The following BNC2 variants were observed in gnomAD, a reference collection of about 807,000 sequenced individuals.
The protein encoded by BNC2 is basonuclin zinc finger protein 2.
A neutral mutation model predicts 76.3 loss-of-function variants in BNC2; 20 were observed. That is an observed-to-expected ratio of 0.26 (90% CI 0.18 to 0.38). BNC2 has a LOEUF of 0.38. Ranked by LOEUF, BNC2 falls within the 10% of genes least tolerant of loss-of-function variation. The pLI is 1.00. For synonymous variants in BNC2, 582 were observed against 514.8 expected (o/e 1.13, Z -1.77); for missense variants, 1,382 against 1,399.8 (o/e 0.99, Z 0.20).
At chr9:16,598,394 T>C (rs1035909286) in intron 3 of BNC2, among the ~76,000 whole-genome samples, 1 of 152,176 alleles carries the variant, frequency 6.6e-6, no homozygotes, top group Non-Finnish European at 1.5e-5. Flanking sequence ...TTTCTAAAAA[T>C]AGAAACTATA....
intron 3 of BNC2, among the ~76,000 whole-genome samples, chr9:16,696,189 G>A (rs1888207): frequency 0.6 from 91,230 of 151,862 alleles, 31,110 homozygotes; most frequent in Non-Finnish European, 0.79. Context: ...TCCAATTGTC[G>A]AACACATTCT....
At chr9:16,443,641 A>G (rs996704598) in intron 5 of BNC2, among the ~76,000 whole-genome samples, 3 of 152,164 alleles carry the variant, frequency 2.0e-5, no homozygotes, top group African/African-American at 7.2e-5. Flanking sequence ...TGAGATATCT[A>G]TACAATGGAA....
At chr9:16,579,398 C>T (rs537763775) in intron 4 of BNC2, among the ~76,000 whole-genome samples, 3 of 152,118 alleles carry the variant, frequency 2.0e-5, no homozygotes, top group African/African-American at 4.8e-5. Flanking sequence ...ACCTCCCACC[C>T]CAGCCTTCAA....
At chr9:16,509,309 T>C (rs1412227025) in intron 5 of BNC2, among the ~76,000 whole-genome samples, 2 of 152,196 alleles carry the variant, frequency 1.3e-5, no homozygotes, top group Non-Finnish European at 2.9e-5. Context: ...TTTCTACTTA[T>C]TGGCATATAA....
At chr9:16,831,774 C>T (rs1472415901) in intron 1 of BNC2, among the ~76,000 whole-genome samples, 1 of 152,182 alleles carries the variant, frequency 6.6e-6, no homozygotes, top group Admixed American at 6.5e-5. Context: ...GGTTATGGTT[C>T]CTCAAGCCAC....
intron 5 of BNC2, among the ~76,000 whole-genome samples, chr9:16,454,626 T>C (rs1359718242): frequency 2.0e-5 from 3 of 152,190 alleles, no homozygotes; most frequent in African/African-American, 7.2e-5. Flanking sequence ...GCTGTTCTTA[T>C]ACCTAATTTG....
At position 16,559,842 on chromosome 9, in the gene BNC2, T is replaced by C. The variant is rs115773835; in HGVS notation, c.434-7077A>G. Reference sequence around the variant, plus strand: ...ATTAACTTATCTCTGAGGTACGTGCTGTATGCAGATGCAAAAGTAATTTAT... The same window carrying C: ...ATTAACTTATCTCTGAGGTACGTGCCGTATGCAGATGCAAAAGTAATTTAT... On this transcript the variant is annotated intron_variant, in intron 4 of 6. Transcript: ENST00000380672. Among the ~76,000 whole-genome samples, 1,184 of 152,368 alleles carry C rather than the reference T, an allele frequency of 7.8e-3. 20 individuals are homozygous for C. Among genetic ancestry groups the C allele is most frequent in the African/African-American group, 0.027 (1,128 of 41,582 alleles).
At chr9:16,441,197 G>C (rs1821121789) in intron 5 of BNC2, among the ~76,000 whole-genome samples, 1 of 152,150 alleles carries the variant, frequency 6.6e-6, no homozygotes, top group Non-Finnish European at 1.5e-5. Flanking sequence ...CTAGCTACTT[G>C]GGAGTTTGAG....
At position 16,730,724 on chromosome 9, in the gene BNC2, A is replaced by G. The variant is rs186310723; in HGVS notation, c.130-2727T>C. Among the ~76,000 whole-genome samples the G allele has an allele frequency of 1.6e-3, 248 of 152,282 alleles. 5 individuals are homozygous for G. Among genetic ancestry groups the G allele is most frequent in the Admixed American group, 0.016 (246 of 15,290 alleles). On this transcript the variant is annotated intron_variant, in intron 2 of 6. Transcript: ENST00000380672. ...CTGGCTGAAACACGTCTGCAATATA[A>G]CATGTTACTGCCACAACACGAGCCT...
At chr9:16,634,126 G>T (rs988678124) in intron 3 of BNC2, among the ~76,000 whole-genome samples, 1 of 152,216 alleles carries the variant, frequency 6.6e-6, no homozygotes, top group East Asian at 1.9e-4. Flanking sequence ...GTTCTGACAG[G>T]ACTATTTATA....
chr9:16,775,968 C>T (rs1357210510), intron 1 of BNC2: 5 of 152,208 alleles, frequency 3.3e-5, no homozygotes, highest in Admixed American at 3.3e-4. Context: ...AAACCAAAAC[C>T]TACCTGACCA....
intron 3 of BNC2, among the ~76,000 whole-genome samples, chr9:16,686,785 G>C (rs1368038580): frequency 6.6e-6 from 1 of 152,118 alleles, no homozygotes; most frequent in Non-Finnish European, 1.5e-5. Context: ...AAGTTCACTA[G>C]TGAATATCAC....
At chr9:16,682,121 C>A (rs1041058205) in intron 3 of BNC2, among the ~76,000 whole-genome samples, 11 of 151,154 alleles carry the variant, frequency 7.3e-5, no homozygotes, top group African/African-American at 2.7e-4. Context: ...TAAGTTATAC[C>A]CATTTAATAA....
At chr9:16,575,200 G>A (rs945649108) in intron 4 of BNC2, 68 of 926,822 alleles carry the variant, frequency 7.3e-5, no homozygotes, top group Non-Finnish European at 7.2e-5. Context: ...ACAGAGCCGC[G>A]ACGTGAATGT....
At chr9:16,764,205 T>C (rs147478985) in intron 1 of BNC2, among the ~76,000 whole-genome samples, 1 of 152,314 alleles carries the variant, frequency 6.6e-6, no homozygotes, top group Non-Finnish European at 1.5e-5. Context: ...CAATTCTGTG[T>C]TTTAAAACAT....
At chr9:16,625,633 G>A (rs1189402962) in intron 3 of BNC2, 1 of 152,140 alleles carries the variant, frequency 6.6e-6, no homozygotes, top group Non-Finnish European at 1.5e-5. Context: ...ATACAGAAAA[G>A]AGGTTACAAA....
chr9:16,695,268 G>A (rs1411451054), intron 3 of BNC2, among the ~76,000 whole-genome samples: 1 of 152,112 alleles, frequency 6.6e-6, no homozygotes, highest in Non-Finnish European at 1.5e-5. Context: ...CCAATGGTAA[G>A]TAATACTTAA....
At chr9:16,460,375 C>T (rs1334680217) in intron 5 of BNC2, among the ~76,000 whole-genome samples, 1 of 151,302 alleles carries the variant, frequency 6.6e-6, no homozygotes, top group African/African-American at 2.4e-5. Context: ...GTAATCCTAA[C>T]ACTTTGGGAG....
chr9:16,599,985 CA>C (rs1820201279), intron 3 of BNC2, among the ~76,000 whole-genome samples: 1 of 152,072 alleles, frequency 6.6e-6, no homozygotes. Flanking sequence ...TAAAGGAAAA[CA>C]GGGGCAACCA....
Sources: allele counts gnomAD v4.1 joint callset (sites outside exome capture counted in the v4.1 genomes callset), GRCh38; gene constraint gnomAD v4.1.1; transcripts MANE v1.5; gene names NCBI Gene and HGNC (gene_info 2026-07-23, HGNC 2026-07-21).